UBE3D: variants seen among roughly 807,000 people sequenced by gnomAD.
UBE3D encodes the protein ubiquitin protein ligase E3D, also known as E3 ubiquitin-protein ligase E3D.
Under a neutral mutation model 49.6 loss-of-function variants are expected in UBE3D, and 48 were observed. The observed-to-expected ratio is 0.97, with a 90% confidence interval of 0.77 to 1.23. The LOEUF is 1.23. UBE3D is among the 50% of genes most tolerant of loss of function. The pLI is 0.00. For missense variants in UBE3D, 452 were observed against 468.4 expected, an observed-to-expected ratio of 0.96 and a Z score of 0.32; for synonymous variants, 189 against 174.2, an observed-to-expected ratio of 1.08 and a Z score of -0.67.
At chr6:83,004,338 A>G (rs1305351919) in intron 8 of UBE3D, among the ~76,000 whole-genome samples, 1 of 152,202 alleles carries the variant, frequency 6.6e-6, no homozygotes, top group Non-Finnish European at 1.5e-5. Context: ...TACACGATAC[A>G]ATGAAAAGCA....
At chr6:82,882,225 G>T in the UBE3D span, among the ~76,000 whole-genome samples, 3 of 152,160 alleles carry the variant, frequency 2.0e-5, no homozygotes, top group Non-Finnish European at 4.4e-5. Context: ...GAAATCCAGA[G>T]TTTATCCTAT....
intron 4 of UBE3D, among the ~76,000 whole-genome samples, chr6:83,043,014 A>G (rs1354589392): frequency 6.6e-6 from 1 of 152,246 alleles, no homozygotes; most frequent in Non-Finnish European, 1.5e-5. Flanking sequence ...TCTTGTCTTG[A>G]TAGTACAGAA....
At chr6:82,950,825 C>A (rs1229603722) in intron 9 of UBE3D, among the ~76,000 whole-genome samples, 1 of 152,072 alleles carries the variant, frequency 6.6e-6, no homozygotes, top group African/African-American at 2.4e-5. Context: ...AACTGGAGGT[C>A]ATTATGTTAA....
At chr6:83,006,947 T>A (rs1780023342) in intron 8 of UBE3D, among the ~76,000 whole-genome samples, 1 of 152,216 alleles carries the variant, frequency 6.6e-6, no homozygotes. Flanking sequence ...AAGTAGAGTT[T>A]CAATTTTCCT....
At chr6:83,007,484 A>C (rs1183467259) in intron 8 of UBE3D, among the ~76,000 whole-genome samples, 1 of 152,236 alleles carries the variant, frequency 6.6e-6, no homozygotes, top group African/African-American at 2.4e-5. Flanking sequence ...CTAAAAATAC[A>C]AAAACAAGGA....
intron 9 of UBE3D, among the ~76,000 whole-genome samples, chr6:82,948,970 G>A (rs1471200110): frequency 1.3e-5 from 2 of 151,984 alleles, no homozygotes; most frequent in Admixed American, 1.3e-4. Flanking sequence ...ACATGACAAG[G>A]ATGCCCACTG....
intron 8 of UBE3D, among the ~76,000 whole-genome samples, chr6:83,009,173 C>T (rs1253896035): frequency 3.3e-5 from 5 of 152,118 alleles, no homozygotes; most frequent in Admixed American, 6.5e-5. Flanking sequence ...TAACCACTTC[C>T]TTTTTCTTAA....
chr6:83,033,953 C>T (rs376044229), intron 5 of UBE3D, among the ~76,000 whole-genome samples: 3 of 152,242 alleles, frequency 2.0e-5, no homozygotes, highest in South Asian at 2.1e-4. Flanking sequence ...TGACAAGGTC[C>T]GTCTGCCTCC....
At chr6:82,935,792 G>A (rs1774524854) in intron 9 of UBE3D, among the ~76,000 whole-genome samples, 2 of 152,062 alleles carry the variant, frequency 1.3e-5, no homozygotes, top group Admixed American at 6.5e-5. Context: ...AAGGGGTATA[G>A]AATTCTATAC....
At chr6:83,041,265 C>A (rs868526342) in intron 4 of UBE3D, among the ~76,000 whole-genome samples, 43 of 152,208 alleles carry the variant, frequency 2.8e-4, no homozygotes, top group Non-Finnish European at 4.4e-5. Flanking sequence ...TTCAAGGGGG[C>A]AGGAGAAGTG....
At chr6:83,057,125 A>T (rs1285617106) in intron 2 of UBE3D, among the ~76,000 whole-genome samples, 1 of 152,200 alleles carries the variant, frequency 6.6e-6, no homozygotes, top group Non-Finnish European at 1.5e-5. Context: ...ACTCAACTGT[A>T]GGACCTTTTG....
intron 1 of UBE3D, chr6:83,063,125 A>G: frequency 4.0e-6 from 1 of 250,302 alleles, no homozygotes; most frequent in South Asian, 3.6e-5. Context: ...ACTATCAAAA[A>G]AACGAGGCAG....
intron 5 of UBE3D, among the ~76,000 whole-genome samples, chr6:83,024,461 C>T (rs911858422): frequency 2.0e-5 from 3 of 152,066 alleles, no homozygotes; most frequent in Non-Finnish European, 2.9e-5. Flanking sequence ...TAATGGCTTC[C>T]ACTTGGTCTT....
chr6:82,934,186 T>C (rs944165821), intron 9 of UBE3D, among the ~76,000 whole-genome samples: 1 of 152,200 alleles, frequency 6.6e-6, no homozygotes, highest in Non-Finnish European at 1.5e-5. Context: ...CACCGCCATG[T>C]AAGACATGCC....
At chr6:82,994,073 TA>T (rs2127736083) in intron 8 of UBE3D, among the ~76,000 whole-genome samples, 1 of 152,310 alleles carries the variant, frequency 6.6e-6, no homozygotes, top group East Asian at 1.9e-4. Context: ...AGCAAAACAA[TA>T]ATCATAGGGC....
chr6:83,031,298 C>T (rs1036431211), intron 5 of UBE3D, among the ~76,000 whole-genome samples: 5 of 152,330 alleles, frequency 3.3e-5, no homozygotes, highest in Admixed American at 6.5e-5. Flanking sequence ...CATGAGCTAC[C>T]ATACCCAGCC....
At chr6:82,885,057 A>C in the UBE3D span, among the ~76,000 whole-genome samples, 360 of 152,250 alleles carry the variant, frequency 2.4e-3, 2 homozygotes, top group Admixed American at 0.015. Flanking sequence ...AAATGCTTAG[A>C]ATGGGTTGTC....
chr6:82,984,020 T>A (rs894550598), intron 8 of UBE3D, among the ~76,000 whole-genome samples: 39 of 152,200 alleles, frequency 2.6e-4, no homozygotes, highest in African/African-American at 9.2e-4. Flanking sequence ...AAGTCAAATC[T>A]ATGAAATCAG....
chr6:83,019,206 A>G (rs1780911426), intron 7 of UBE3D, 70 bp from the exon 8 acceptor site: 1 of 1,401,776 alleles, frequency 7.1e-7, no homozygotes, highest in African/African-American at 1.5e-5. Flanking sequence ...GACTTTTCAA[A>G]AACAAAAAAG....
Sources: allele counts gnomAD v4.1 joint callset (sites outside exome capture counted in the v4.1 genomes callset), GRCh38; gene constraint gnomAD v4.1.1; transcripts MANE v1.5; gene names NCBI Gene and HGNC (gene_info 2026-07-23, HGNC 2026-07-21).